Variants in QSER1 observed in about 807,000 individuals in gnomAD.
The protein encoded by QSER1 is glutamine and serine rich 1.
A neutral mutation model predicts 158.5 loss-of-function variants in QSER1; 49 were observed. That is an observed-to-expected ratio of 0.31 (90% confidence interval 0.25 to 0.39). The LOEUF (loss-of-function observed/expected upper bound fraction) is 0.39, where lower values mean the gene tolerates loss of function less well. Ranked by LOEUF, QSER1 falls within the 10% of genes least tolerant of loss-of-function variation. The pLI, the probability that QSER1 is intolerant of heterozygous loss-of-function variation, is 1.00. For synonymous variants in QSER1, 650 were observed against 715.5 expected, an observed-to-expected ratio of 0.91 and a Z score of 1.46; for missense variants, 1,754 against 2,010.3, an observed-to-expected ratio of 0.87 and a Z score of 2.44.
chr11:32,946,496 G>A (rs949623318), intron 4 of QSER1, among the ~76,000 whole-genome samples: 3 of 152,170 alleles, frequency 2.0e-5, no homozygotes, highest in Admixed American at 2.0e-4. Context: ...GTACCCTGCA[G>A]TGTGAGGTGT....
chr11:32,941,020 T>C (rs1852222390), intron 4 of QSER1, among the ~76,000 whole-genome samples: 1 of 151,874 alleles, frequency 6.6e-6, no homozygotes, highest in Admixed American at 6.6e-5. Context: ...GTATTTTTTA[T>C]CTAATGAATG....
intron 4 of QSER1, among the ~76,000 whole-genome samples, chr11:32,941,829 C>G (rs903769449): frequency 4.6e-5 from 7 of 151,830 alleles, no homozygotes; most frequent in African/African-American, 9.7e-5. Context: ...AATGGTTGAA[C>G]TAGTTTACAG....
chr11:32,902,882 C>G (rs1564925120), intron 1 of QSER1, among the ~76,000 whole-genome samples: 1 of 152,136 alleles, frequency 6.6e-6, no homozygotes, highest in East Asian at 1.9e-4. Flanking sequence ...GAAACTCAAG[C>G]AAAGAGAGAT....
chr11:32,960,924 A>G (rs1852612189), intron 8 of QSER1, among the ~76,000 whole-genome samples: 1 of 152,126 alleles, frequency 6.6e-6, no homozygotes, highest in South Asian at 2.1e-4. Context: ...TTGTTTCAGG[A>G]CTCCAATGGA....
At chr11:32,947,945 T>C (rs1852362996) in intron 4 of QSER1, among the ~76,000 whole-genome samples, 1 of 152,224 alleles carries the variant, frequency 6.6e-6, no homozygotes, top group African/African-American at 2.4e-5. Context: ...ATCTATGTTT[T>C]CTTTTGGAAC....
chr11:32,957,918 G>C lies in QSER1; in HGVS notation c.4801G>C (p.Ala1601Pro). The change falls in exon 8 of 13, where the codon GCA becomes CCA. Residue 1601 changes from alanine to proline, a missense_variant. Transcript: ENST00000650167. ...SSSSKTSDPL[A>P]SKTTTTKAPS... The stretch of plus-strand genomic sequence containing the variant: ...TAGCAGTAAAACTTCTGATCCTCTA[G>C]CATCAAAAACTACAACTACAAAAGC... The C allele has an allele frequency of 6.2e-7, 1 of 1,614,082 alleles. No homozygotes were observed. Among genetic ancestry groups the C allele is most frequent in the Non-Finnish European group, 8.5e-7 (1 of 1,180,006 alleles).
At chr11:32,951,676 T>C (rs953021014) in intron 4 of QSER1, among the ~76,000 whole-genome samples, 1 of 152,174 alleles carries the variant, frequency 6.6e-6, no homozygotes, top group Non-Finnish European at 1.5e-5. Flanking sequence ...AAATATTACT[T>C]TTGATGCTAT....
chr11:32,937,531 T>A (rs1034376892), intron 4 of QSER1, among the ~76,000 whole-genome samples: 9 of 152,108 alleles, frequency 5.9e-5, no homozygotes, highest in African/African-American at 2.2e-4. Context: ...CGAGCAGTCC[T>A]CCCACCTTGG....
At chr11:32,964,238 G>T (rs1046585403) in intron 8 of QSER1, among the ~76,000 whole-genome samples, 1 of 151,576 alleles carries the variant, frequency 6.6e-6, no homozygotes, top group Admixed American at 6.6e-5. Context: ...GCCTCCCAAA[G>T]TGCTGGTATT....
At chr11:32,971,497 TG>T (rs1286776372) in intron 10 of QSER1, among the ~76,000 whole-genome samples, 1 of 152,186 alleles carries the variant, frequency 6.6e-6, no homozygotes, top group East Asian at 1.9e-4. Flanking sequence ...ACTTAGTGTG[TG>T]TTGTTTCCAA....
chr11:32,905,943 A>G (rs1251766514), intron 1 of QSER1, among the ~76,000 whole-genome samples: 1 of 152,164 alleles, frequency 6.6e-6, no homozygotes, highest in Non-Finnish European at 1.5e-5. Flanking sequence ...TTAATATGTT[A>G]TAATTTTTTT....
At chr11:32,928,536 T>G (rs1787804727) in intron 3 of QSER1, among the ~76,000 whole-genome samples, 1 of 152,216 alleles carries the variant, frequency 6.6e-6, no homozygotes, top group Admixed American at 6.5e-5. Flanking sequence ...TTGGATAGAT[T>G]AAATCACTAA....
In QSER1 at chr11:32,973,983, G is replaced by T. The variant is rs148655282; in HGVS notation, c.5358+434G>T. Among the ~76,000 whole-genome samples, 43 of 152,274 alleles carry T rather than the reference G, an allele frequency of 2.8e-4. No individual in the cohort carries two copies. The East Asian group carries it at 7.9e-3, about 28-fold the overall frequency. ...TGCATGCACATAGATAAGTAAGTGT[G>T]CAGAACACATTCCATAAAAAGATGA... On this transcript the variant is annotated intron_variant, in intron 11 of 12. Coordinates refer to ENST00000650167, the MANE Select transcript of QSER1 (RefSeq NM_001076786.3).
chr11:32,976,486 A>C lies in QSER1; in HGVS notation c.*12A>C. 1 of 1,610,244 alleles carries C rather than the reference A, an allele frequency of 6.2e-7. No homozygotes were observed. Among genetic ancestry groups the C allele is most frequent in the Non-Finnish European group, 8.5e-7 (1 of 1,178,720 alleles). ...AGAAATGTTCCTGACTTTTCCACAA[A>C]AATCCCATCTTTTTATAGCACTAAT... On this transcript the variant is annotated 3_prime_UTR_variant, in exon 13 of 13. Transcript: ENST00000650167.
chr11:32,965,174 C>A (rs564443691), intron 8 of QSER1, among the ~76,000 whole-genome samples: 1 of 152,188 alleles, frequency 6.6e-6, no homozygotes, highest in African/African-American at 2.4e-5. Flanking sequence ...TGCAGTGGCG[C>A]AGTCACAGTT....
intron 1 of QSER1, among the ~76,000 whole-genome samples, chr11:32,911,078 CT>C (rs1238474303): frequency 2.0e-5 from 3 of 152,158 alleles, no homozygotes; most frequent in African/African-American, 7.2e-5. Context: ...GCAGTTAGTC[CT>C]CCTTTCTTGA....
chr11:32,898,037 C>T (rs553368695), intron 1 of QSER1, among the ~76,000 whole-genome samples: 1 of 152,314 alleles, frequency 6.6e-6, no homozygotes, highest in African/African-American at 2.4e-5. Flanking sequence ...CTAACTTAGT[C>T]ATCTTGGACC....
At chr11:32,973,309 G>A (rs1852905537) in intron 10 of QSER1, 88 bp from the exon 11 acceptor site, 9 of 1,383,640 alleles carry the variant, frequency 6.5e-6, no homozygotes, top group Admixed American at 1.9e-5. Flanking sequence ...GTGTTTGTGT[G>A]CACACACACT....
At chr11:32,897,667 G>A (rs779792399) in intron 1 of QSER1, among the ~76,000 whole-genome samples, 3 of 152,072 alleles carry the variant, frequency 2.0e-5, no homozygotes, top group South Asian at 4.2e-4. Flanking sequence ...TCACATCCAC[G>A]TCCATGCTTT....
Sources: gnomAD v4.1 joint callset for allele counts (sites outside exome capture counted in the v4.1 genomes callset) on GRCh38, gnomAD v4.1.1 for gene constraint, MANE v1.5 for transcripts, NCBI Gene and HGNC (gene_info 2026-07-23, HGNC 2026-07-21) for gene names.